Variants in ELOVL6 observed in about 807,000 individuals in gnomAD.
The protein encoded by ELOVL6 is very long chain fatty acid elongase 6.
A neutral mutation model predicts 31.7 loss-of-function variants in ELOVL6; 8 were observed. That is an observed-to-expected ratio of 0.25 (90% CI 0.15 to 0.45). ELOVL6 has a LOEUF of 0.45. Ranked by LOEUF, ELOVL6 falls within the 20% of genes least tolerant of loss-of-function variation. The pLI is 1.00. For missense variants in ELOVL6, 126 were observed against 326.4 expected (o/e 0.39, Z 4.73); for synonymous variants, 101 against 117.7 (o/e 0.86, Z 0.92).
At chr4:110,097,785 C>T (rs1368478005) in intron 2 of ELOVL6, among the ~76,000 whole-genome samples, 1 of 136,634 alleles carries the variant, frequency 7.3e-6, no homozygotes, top group Non-Finnish European at 1.5e-5. Flanking sequence ...CTGTCTTATA[C>T]TCTGCCTTCA....
At chr4:110,106,056 C>G (rs545202715) in intron 1 of ELOVL6, among the ~76,000 whole-genome samples, 83 of 152,220 alleles carry the variant, frequency 5.5e-4, no homozygotes, top group African/African-American at 1.9e-3. Context: ...AACAAGATAG[C>G]CATTTAAAAT....
chr4:110,169,238 G>GTTTTTTTTTT (rs140593620), intron 1 of ELOVL6, among the ~76,000 whole-genome samples: 5 of 136,732 alleles, frequency 3.7e-5, no homozygotes, highest in Non-Finnish European at 4.6e-5. Flanking sequence ...GGGGTTTTTT[G>GTTTTTTTTTT]TTTTGTTTTT....
chr4:110,149,767 T>C (rs1328570244), intron 1 of ELOVL6, among the ~76,000 whole-genome samples: 1 of 152,198 alleles, frequency 6.6e-6, no homozygotes, highest in Non-Finnish European at 1.5e-5. Flanking sequence ...AATATATATC[T>C]CTTCCTAATA....
chr4:110,158,594 T>C (rs1225055366), intron 1 of ELOVL6, among the ~76,000 whole-genome samples: 2 of 143,974 alleles, frequency 1.4e-5, no homozygotes, highest in South Asian at 2.2e-4. Flanking sequence ...TGTATATATA[T>C]ACACACACAC....
chr4:110,175,257 C>T (rs564372078), intron 1 of ELOVL6, among the ~76,000 whole-genome samples: 68 of 152,134 alleles, frequency 4.5e-4, no homozygotes, highest in Non-Finnish European at 2.5e-4. Flanking sequence ...GTGGTGCACG[C>T]TTATAATCCC....
intron 2 of ELOVL6, among the ~76,000 whole-genome samples, chr4:110,095,498 A>AG (rs397830404): frequency 3.3e-4 from 50 of 150,778 alleles, no homozygotes; most frequent in African/African-American, 1.1e-3. Context: ...AAAAAAAAAA[A>AG]GGCATGAAAT....
chr4:110,178,674 T>C (rs1034938215), intron 1 of ELOVL6, among the ~76,000 whole-genome samples: 13 of 152,040 alleles, frequency 8.6e-5, no homozygotes, highest in Admixed American at 8.5e-4. Flanking sequence ...GGCAACATAG[T>C]GAGACCTCGT....
chr4:110,127,028 G>A (rs923621283), intron 1 of ELOVL6, among the ~76,000 whole-genome samples: 1 of 151,796 alleles, frequency 6.6e-6, no homozygotes, highest in African/African-American at 2.4e-5. Context: ...GAAAAGAGAG[G>A]AAAAGGAAAA....
intron 2 of ELOVL6, among the ~76,000 whole-genome samples, chr4:110,102,207 T>C (rs993472490): frequency 2.0e-5 from 3 of 152,220 alleles, no homozygotes; most frequent in African/African-American, 4.8e-5. Context: ...GATTTTTCTA[T>C]ATAGTTCTGG....
intron 2 of ELOVL6, among the ~76,000 whole-genome samples, chr4:110,083,345 T>A (rs1755940611): frequency 6.6e-6 from 1 of 151,666 alleles, no homozygotes; most frequent in South Asian, 2.1e-4. Flanking sequence ...ATCTGATAAC[T>A]GATCAATGAA....
intron 1 of ELOVL6, among the ~76,000 whole-genome samples, chr4:110,178,399 G>A (rs1231922481): frequency 3.3e-5 from 5 of 151,964 alleles, no homozygotes; most frequent in African/African-American, 7.3e-5. Flanking sequence ...AAAATTAGCC[G>A]AGTGTGGTGG....
intron 1 of ELOVL6, among the ~76,000 whole-genome samples, chr4:110,128,049 A>G (rs1308181070): frequency 1.3e-5 from 2 of 152,076 alleles, no homozygotes; most frequent in Non-Finnish European, 2.9e-5. Flanking sequence ...CTCAAAAAAA[A>G]AAAAAAAGTA....
rs954088324 is a variant in ELOVL6, at chr4:110,072,273, C to T, written c.222-12519G>A. 3.3e-5 allele frequency among the ~76,000 whole-genome samples: 5 copies of T among 152,110 alleles called. No homozygotes were observed. In the East Asian group the frequency reaches 5.8e-4, roughly 18 times the overall value. On this transcript the variant is annotated intron_variant, in intron 2 of 3. Coordinates refer to ENST00000302274, the MANE Select transcript of ELOVL6 (RefSeq NM_024090.3). Reference sequence around the variant, plus strand: ...CGTGTGGATCATGAGGTCAAGAGATCGAGACCATCCTGGCCAACACGGCGA... The same window carrying T: ...CGTGTGGATCATGAGGTCAAGAGATTGAGACCATCCTGGCCAACACGGCGA...
At chr4:110,090,935 A>G (rs946449075) in intron 2 of ELOVL6, among the ~76,000 whole-genome samples, 4 of 152,158 alleles carry the variant, frequency 2.6e-5, no homozygotes, top group Non-Finnish European at 4.4e-5. Context: ...AGAAATTCAG[A>G]TTCAATTTTA....
intron 1 of ELOVL6, among the ~76,000 whole-genome samples, chr4:110,139,551 A>G (rs897987278): frequency 2.0e-5 from 3 of 152,208 alleles, no homozygotes; most frequent in African/African-American, 7.2e-5. Context: ...TCTCTAATAT[A>G]TATCTCCATT....
At chr4:110,073,337 A>G (rs1192057341) in intron 2 of ELOVL6, among the ~76,000 whole-genome samples, 1 of 152,112 alleles carries the variant, frequency 6.6e-6, no homozygotes, top group Non-Finnish European at 1.5e-5. Context: ...TCAGGGTAGG[A>G]AAAACATAAA....
intron 2 of ELOVL6, among the ~76,000 whole-genome samples, chr4:110,084,164 G>GTGA (rs1208472962): frequency 0.042 from 1,878 of 44,410 alleles, 213 homozygotes; most frequent in East Asian, 0.19. Flanking sequence ...TAACATATAT[G>GTGA]TGATATATAT....
intron 2 of ELOVL6, among the ~76,000 whole-genome samples, chr4:110,064,299 C>T (rs1755235289): frequency 6.6e-6 from 1 of 151,890 alleles, no homozygotes; most frequent in African/African-American, 2.4e-5. Flanking sequence ...AACTCCTGCA[C>T]TGGATTCCTA....
chr4:110,174,633 C>CA (rs2126274937), intron 1 of ELOVL6, among the ~76,000 whole-genome samples: 1 of 152,258 alleles, frequency 6.6e-6, no homozygotes, highest in African/African-American at 2.4e-5. Flanking sequence ...GCTAGGTTGA[C>CA]ATTCCTATAA....
Sources: allele counts gnomAD v4.1 joint callset (sites outside exome capture counted in the v4.1 genomes callset), GRCh38; gene constraint gnomAD v4.1.1; transcripts MANE v1.5; gene names NCBI Gene and HGNC (gene_info 2026-07-23, HGNC 2026-07-21).